CORO6: variants seen among roughly 807,000 people sequenced by gnomAD.
CORO6 encodes the protein coronin-6.
CORO6 carries 43 observed loss-of-function variants against 49.0 expected under a neutral mutation model. The ratio of observed to expected loss-of-function variants is 0.88; its 90% CI spans 0.69 to 1.13. CORO6 has a LOEUF of 1.13. CORO6 is among the 50% of genes most tolerant of loss of function. The pLI is 0.00. For missense variants in CORO6, 650 were observed against 647.0 expected, an observed-to-expected ratio of 1.00 and a Z score of -0.05; for synonymous variants, 233 against 256.5, an observed-to-expected ratio of 0.91 and a Z score of 0.88.
Position 29,619,088 on chromosome 17 carries a change from AG to A in CORO6, c.422del (p.Pro141LeufsTer15). On this transcript the variant is annotated frameshift_variant, in exon 4 of 11. Coordinates refer to ENST00000388767, the MANE Select transcript of CORO6 (RefSeq NM_032854.4). LOFTEE classifies it high-confidence loss of function. ...CACTGAGCAGGACATTCCTGGCAGT[AG>A]GGTGCCAGGAGAGGATGCCCACACG... ...SKRVGILSWH[P>X]TARNVLLSAG... The A allele has an allele frequency of 6.2e-7, 1 of 1,613,598 alleles. No individual in the cohort carries two copies. The highest frequency in any genetic ancestry group is 8.5e-7 in the Non-Finnish European group (1 of 1,179,844).
Position 29,616,831 on chromosome 17 carries a change from C to G in CORO6, c.875G>C (p.Arg292Pro). Residue 292 changes from arginine (R) to proline (P), a missense_variant, in exon 8 of 11, where the codon CGG (arginine) becomes CCG (proline). Physicochemically the swap from Arg to Pro is moderately radical, Grantham distance 103 (BLOSUM62 -2). Coordinates refer to ENST00000388767, the MANE Select transcript of CORO6 (RefSeq NM_032854.4). The surrounding 1 kb of genome is among the most constrained non-coding windows in gnomAD (Gnocchi z 5.6). ...CGGCTCGTCGGTAATCTCAAAGTACCGAATGCTGCTGTCGCCCTGCAAAAT... is the reference window on the plus strand; with the variant it reads ...CGGCTCGTCGGTAATCTCAAAGTACGGAATGCTGCTGTCGCCCTGCAAAAT... ...YLCGKGDSSIRYFEITDEPPF... is the reference protein window; with the variant it reads ...YLCGKGDSSIPYFEITDEPPF... The G allele has an allele frequency of 6.2e-7, 1 of 1,613,470 alleles. No homozygotes were observed. Among genetic ancestry groups the G allele is most frequent in the Non-Finnish European group, 8.5e-7 (1 of 1,179,756 alleles).
chr17:29,618,007 G>A, intron 5 of CORO6: 1 of 1,433,114 alleles, frequency 7.0e-7, no homozygotes, highest in Non-Finnish European at 9.1e-7. Flanking sequence ...GGCAGACCCA[G>A]AGAAGGAGCG....
Position 29,615,123 on chromosome 17 carries a change from G to C in CORO6, c.*609C>G, listed in dbSNP as rs966770929. On this transcript the variant is annotated 3_prime_UTR_variant, in exon 11 of 11. Coordinates refer to ENST00000388767, the MANE Select transcript of CORO6 (RefSeq NM_032854.4). ...GAGATTTCTTCGCGGGGGCTGCCGC[G>C]AGGAAGCAGCCCTCGCCCCTGTCGG... is the stretch of plus-strand genomic sequence containing the variant. 6.6e-6 allele frequency: 1 copy of C among 152,224 alleles called. No individual in the cohort carries two copies. The highest frequency in any genetic ancestry group is 1.5e-5 in the Non-Finnish European group (1 of 68,044). 9.4% of individuals were successfully genotyped at this position (152,224 alleles called of 1,614,324 possible). A position where few individuals can be genotyped will look rare whatever the true frequency, so the allele number is the denominator to read the frequency against.
At chr17:29,615,915 T>C in intron 10 of CORO6, 30 bp downstream of exon 10, 2 of 1,577,336 alleles carry the variant, frequency 1.3e-6, no homozygotes, top group Middle Eastern at 1.7e-4. Context: ...AGATGTAGAT[T>C]GGGCCAGAGT....
At chr17:29,622,505 C>A (rs1176631001) in intron 1 of CORO6, among the ~76,000 whole-genome samples, 183 bp downstream of exon 1, 1 of 152,228 alleles carries the variant, frequency 6.6e-6, no homozygotes, top group African/African-American at 2.4e-5. Context: ...TGCGTTCTTG[C>A]GAGACGAGGT....
chr17:29,619,475 G>C (rs2035195462), intron 3 of CORO6, among the ~76,000 whole-genome samples, 176 bp downstream of exon 3: 2 of 152,298 alleles, frequency 1.3e-5, no homozygotes, highest in South Asian at 4.1e-4. Flanking sequence ...GTCCTAAGCA[G>C]TGCATCCTGG....
At chr17:29,617,713 CG>C in intron 5 of CORO6, 94 bp from the exon 6 acceptor site, 1 of 1,344,338 alleles carries the variant, frequency 7.4e-7, no homozygotes, top group Non-Finnish European at 9.9e-7. Flanking sequence ...CTTGGGTGTC[CG>C]GGGTGGAGGA....
rs774930255 is a variant in CORO6, at chr17:29,616,695, T to A, written c.1004+7A>T. The A allele has an allele frequency of 2.5e-6, 4 of 1,611,018 alleles. No individual in the cohort carries two copies. Among genetic ancestry groups the A allele is most frequent in the Non-Finnish European group, 2.5e-6 (3 of 1,177,658 alleles). On this transcript the variant is annotated splice_region_variant and intron_variant, in intron 8 of 10. Coordinates refer to ENST00000388767, the MANE Select transcript of CORO6 (RefSeq NM_032854.4). The surrounding 1 kb of genome is among the most constrained non-coding windows in gnomAD (Gnocchi z 5.6). ...GTAGGTGTTCAGGAGGGGCCAAGGC[T>A]GCTGACCGGGCGATCTCACACTTGC...
At chr17:29,618,116 C>T (rs758803022) in intron 5 of CORO6, 2 of 1,434,902 alleles carry the variant, frequency 1.4e-6, no homozygotes, top group South Asian at 1.4e-5. Context: ...TTCCCGTCTG[C>T]GGTGAAGACA....
chr17:29,615,642 A>G lies in CORO6; in HGVS notation c.*90T>C. Reference sequence around the variant, plus strand: ...CCAGTCCCGCCCCCGGGCCCAGCCCAAGAAGGCGGGGTCCGGAGTTCGGGA... The same window carrying G: ...CCAGTCCCGCCCCCGGGCCCAGCCCGAGAAGGCGGGGTCCGGAGTTCGGGA... On this transcript the variant is annotated 3_prime_UTR_variant, in exon 11 of 11. Coordinates refer to ENST00000388767, the MANE Select transcript of CORO6 (RefSeq NM_032854.4). 1 of 1,358,966 alleles carries G rather than the reference A, an allele frequency of 7.4e-7. No homozygotes were observed. The highest frequency in any genetic ancestry group is 9.7e-7 in the Non-Finnish European group (1 of 1,036,218). The allele number at this position is 1,358,966 out of a possible 1,614,324, so 84.2% of individuals were successfully genotyped here.
rs759975194 is a variant in CORO6 at position 29,615,814 on chromosome 17, A to C, written c.1337T>G (p.Leu446Arg). The C allele has an allele frequency of 1.3e-6, 2 of 1,574,950 alleles. No homozygotes were observed. The highest frequency in any genetic ancestry group is 1.7e-6 in the Non-Finnish European group (2 of 1,161,768). The part of the protein sequence containing the change: ...LETLLEEIKA[L>R]RERVQAQEQR... ...CTCCTGGGCCTGCACCCGCTCGCGG[A>C]GGGCCTTGATCTCTTCCAGCAGCGT... The change falls in exon 11 of 11, where the codon CTC becomes CGC. Residue 446 changes from leucine to arginine, a missense_variant. By Grantham distance (102) the Leu-to-Arg change is moderately radical (BLOSUM62 -2). Transcript: ENST00000388767.
chr17:29,617,257 T>C (rs944493914), intron 6 of CORO6: 8 of 1,535,412 alleles, frequency 5.2e-6, no homozygotes, highest in Non-Finnish European at 6.1e-6. Context: ...GCGCGCCGCA[T>C]GCAGTCACAG....
intron 5 of CORO6, 96 bp downstream of exon 5, chr17:29,618,694 G>T: frequency 6.8e-7 from 1 of 1,471,506 alleles, no homozygotes; most frequent in Non-Finnish European, 9.1e-7. Flanking sequence ...ACAGGTGAAA[G>T]CCGGGACCAG....
In CORO6 at chr17:29,616,557, G is replaced by A; in HGVS notation, c.1004+145C>T. The A allele has an allele frequency of 9.2e-7, 1 of 1,085,994 alleles. No homozygotes were observed. Among genetic ancestry groups the A allele is most frequent in the South Asian group, 1.5e-5 (1 of 67,406 alleles). The allele number at this position is 1,085,994 out of a possible 1,614,324, so 67.3% of individuals were successfully genotyped here. A position where few individuals can be genotyped will look rare whatever the true frequency, so the allele number is the denominator to read the frequency against. ...TGAGAATGTAAGGCTAGTGAGCGGT[G>A]GGTCTGGCACTGAAACAGAGCTGTC... On this transcript the variant is annotated intron_variant, in intron 8 of 10. Coordinates refer to ENST00000388767, the MANE Select transcript of CORO6 (RefSeq NM_032854.4). This position sits in a 1 kb window ranked among gnomAD's most constrained non-coding sequence, Gnocchi z 5.6.
chr17:29,622,483 C>G (rs1394515846), intron 1 of CORO6, among the ~76,000 whole-genome samples: 1 of 152,264 alleles, frequency 6.6e-6, no homozygotes, highest in Admixed American at 6.5e-5. Context: ...CTTCAGCCTG[C>G]TGCCCTGACA....
chr17:29,616,645 C>G lies in CORO6; in HGVS notation c.1004+57G>C, dbSNP rs932583250. 1 of 1,592,332 alleles carries G rather than the reference C, an allele frequency of 6.3e-7. No homozygotes were observed. Among genetic ancestry groups the G allele is most frequent in the Non-Finnish European group, 8.6e-7 (1 of 1,163,988 alleles). ...CTGGGGAAGCCCCGTGGCTAGGACC[C>G]GACATGAGTGGGGGACAGAGGCGGG... On this transcript the variant is annotated intron_variant, in intron 8 of 10. Coordinates refer to ENST00000388767, the MANE Select transcript of CORO6 (RefSeq NM_032854.4). The surrounding 1 kb of genome is among the most constrained non-coding windows in gnomAD (Gnocchi z 5.6).
Position 29,618,067 on chromosome 17 carries a change from T to G in CORO6, c.634-448A>C, listed in dbSNP as rs995805857. 17 of 1,501,356 alleles carry G rather than the reference T, an allele frequency of 1.1e-5. No homozygotes were observed. The African/African-American group carries it at 1.9e-4, about 17-fold the overall frequency. The allele number at this position is 1,501,356 out of a possible 1,614,324, so 93.0% of individuals were successfully genotyped here. On this transcript the variant is annotated intron_variant, in intron 5 of 10. Transcript: ENST00000388767. ...GCCTACCGGGTCCCAGAGCGCGAGT[T>G]GCCGCTCACTCATCCTGCTGAAGCC...
chr17:29,616,714 C>T lies in CORO6; in HGVS notation c.992G>A (p.Cys331Tyr), dbSNP rs767949789. Residue 331 changes from cysteine (C) to tyrosine (Y), a missense_variant, in exon 8 of 11, where the codon TGT becomes TAT. Transcript: ENST00000388767. The surrounding 1 kb of genome is among the most constrained non-coding windows in gnomAD (Gnocchi z 5.6). ...CAAGGCTGCTGACCGGGCGATCTCA[C>T]ACTTGCTGACATCCAGTCCCCTTTT... ...MPKRGLDVSK[C>Y]EIARFYKLHE... 2 of 1,612,756 alleles carry T rather than the reference C, an allele frequency of 1.2e-6. No individual in the cohort carries two copies. The highest frequency in any genetic ancestry group is 1.7e-6 in the Non-Finnish European group (2 of 1,179,048).
chr17:29,617,177 C>G, intron 6 of CORO6, 135 bp from the exon 7 acceptor site: 1 of 1,544,186 alleles, frequency 6.5e-7, no homozygotes, highest in Non-Finnish European at 8.7e-7. Flanking sequence ...AGTTGCAGGC[C>G]CCTCCCCTGG....
Sources: gnomAD v4.1 joint callset for allele counts (sites outside exome capture counted in the v4.1 genomes callset) on GRCh38, gnomAD v4.1.1 for gene constraint, Gnocchi (gnomAD v3.1) non-coding constraint, MANE v1.5 for transcripts, NCBI Gene and HGNC (gene_info 2026-07-23, HGNC 2026-07-21) for gene names.